Variants in GRM5 observed in about 807,000 individuals in gnomAD.
GRM5 encodes the protein glutamate metabotropic receptor 5.
In GRM5, 19 loss-of-function variants were observed where a neutral mutation model predicts 83.1. The ratio of observed to expected loss-of-function variants is 0.23; its 90% CI spans 0.16 to 0.34. The LOEUF is 0.34. GRM5 is among the 10% of genes least tolerant of loss of function. GRM5 has a pLI of 1.00. For missense variants in GRM5, 1,160 were observed against 1,588.3 expected, an observed-to-expected ratio of 0.73 and a Z score of 4.58; for synonymous variants, 675 against 633.6, an observed-to-expected ratio of 1.07 and a Z score of -0.98.
chr11:88,930,614 G>A (rs1029605327), intron 2 of GRM5, among the ~76,000 whole-genome samples: 2 of 151,314 alleles, frequency 1.3e-5, no homozygotes, highest in African/African-American at 4.9e-5. Context: ...TGCAACCTCT[G>A]GTTGCTCACT....
chr11:88,812,255 A>C (rs895576362), intron 3 of GRM5, among the ~76,000 whole-genome samples: 4 of 151,594 alleles, frequency 2.6e-5, no homozygotes, highest in African/African-American at 9.7e-5. Flanking sequence ...AAGTCATTTT[A>C]GTGATGAGGC....
intron 8 of GRM5, among the ~76,000 whole-genome samples, chr11:88,553,373 A>G (rs1317166937): frequency 6.6e-6 from 1 of 152,094 alleles, no homozygotes; most frequent in Non-Finnish European, 1.5e-5. Flanking sequence ...TTCCTGAGAG[A>G]TGTGTCCACA....
intron 4 of GRM5, among the ~76,000 whole-genome samples, chr11:88,627,715 A>C (rs1363239822): frequency 6.6e-6 from 1 of 152,164 alleles, no homozygotes; most frequent in Non-Finnish European, 1.5e-5. Context: ...TCAGCCCTGC[A>C]GAGGATCACC....
intron 3 of GRM5, 74 bp downstream of exon 3, chr11:88,849,832 A>T: frequency 7.3e-7 from 1 of 1,368,450 alleles, no homozygotes; most frequent in Non-Finnish European, 1.0e-6. Flanking sequence ...TTTTTATCAT[A>T]CACTAAAAGC....
Position 88,978,474 on chromosome 11 carries a change from T to TAAAAAAAAAAAAA in GRM5, c.661+68725_661+68737dup, listed in dbSNP as rs200343438. ...TAACATTAACAACAGCAGATGAGCTTAAAAAAAAAAAAAAAAAAAAAAAAA... is the reference window on the plus strand; with the variant it reads ...TAACATTAACAACAGCAGATGAGCTTAAAAAAAAAAAAAAAAAAAAAAAAAAAAAAAAAAAAAA... On this transcript the variant is annotated intron_variant, in intron 2 of 9. Coordinates refer to ENST00000305447, the MANE Select transcript of GRM5 (RefSeq NM_001143831.3). Among the ~76,000 whole-genome samples the TAAAAAAAAAAAAA allele has an allele frequency of 8.2e-5, 8 of 97,984 alleles. 1 individual carries two copies. The highest frequency in any genetic ancestry group is 1.3e-4 in the Non-Finnish European group (6 of 47,582). 64.3% of individuals were successfully genotyped at this position (97,984 alleles called of 152,430 possible). A position where few individuals can be genotyped will look rare whatever the true frequency, so the allele number is the denominator to read the frequency against.
chr11:88,693,688 T>C (rs1429628788), intron 3 of GRM5, among the ~76,000 whole-genome samples: 1 of 152,112 alleles, frequency 6.6e-6, no homozygotes, highest in Admixed American at 6.6e-5. Flanking sequence ...GCTCTTTCTC[T>C]AAAAGAATTT....
At chr11:89,062,619 C>G (rs1270788047) in intron 1 of GRM5, among the ~76,000 whole-genome samples, 1 of 152,236 alleles carries the variant, frequency 6.6e-6, no homozygotes, top group Non-Finnish European at 1.5e-5. Flanking sequence ...GCTAAGGCAG[C>G]ATCAAGATTG....
intron 2 of GRM5, among the ~76,000 whole-genome samples, chr11:88,977,298 C>T (rs12272757): frequency 0.023 from 3,533 of 152,042 alleles, 140 homozygotes; most frequent in African/African-American, 0.081. Context: ...CTGCAAGCTC[C>T]GATTCCCAAG....
chr11:88,897,612 G>A (rs554858188), intron 2 of GRM5, among the ~76,000 whole-genome samples: 11 of 151,908 alleles, frequency 7.2e-5, no homozygotes, highest in Non-Finnish European at 1.5e-4. Flanking sequence ...TACTGTCTTA[G>A]CTGAAAGAGG....
intron 3 of GRM5, among the ~76,000 whole-genome samples, chr11:88,725,621 C>T (rs1941660380): frequency 1.3e-5 from 2 of 152,144 alleles, no homozygotes; most frequent in Non-Finnish European, 2.9e-5. Context: ...TCGACAGACA[C>T]CTCATACAGG....
intron 3 of GRM5, among the ~76,000 whole-genome samples, chr11:88,845,495 G>T (rs141943364): frequency 2.2e-5 from 3 of 134,362 alleles, no homozygotes; most frequent in Non-Finnish European, 1.5e-5. Flanking sequence ...GGACAGTGGC[G>T]CAATCTGAGT....
At chr11:88,712,373 A>G (rs1293273126) in intron 3 of GRM5, among the ~76,000 whole-genome samples, 2 of 152,022 alleles carry the variant, frequency 1.3e-5, no homozygotes, top group African/African-American at 2.4e-5. Flanking sequence ...CATTCTCTGC[A>G]GTCTAGGGTG....
intron 3 of GRM5, among the ~76,000 whole-genome samples, chr11:88,836,016 T>C (rs1193505031): frequency 6.6e-6 from 1 of 152,018 alleles, no homozygotes; most frequent in Non-Finnish European, 1.5e-5. Context: ...TCATAACCCA[T>C]CAGAAGCCCT....
At chr11:88,559,960 A>C (rs1215869874) in intron 8 of GRM5, among the ~76,000 whole-genome samples, 1 of 152,132 alleles carries the variant, frequency 6.6e-6, no homozygotes, top group East Asian at 1.9e-4. Flanking sequence ...TTCCAGCAGA[A>C]TTGGTATCTA....
chr11:88,653,835 T>C (rs1939698402), intron 3 of GRM5, among the ~76,000 whole-genome samples: 1 of 152,138 alleles, frequency 6.6e-6, no homozygotes, highest in African/African-American at 2.4e-5. Context: ...ATTAAAAATA[T>C]TCTCCAACAT....
chr11:88,580,149 T>G (rs1469818250), intron 7 of GRM5, among the ~76,000 whole-genome samples: 1 of 152,186 alleles, frequency 6.6e-6, no homozygotes, highest in East Asian at 1.9e-4. Flanking sequence ...CCTGGGAGAT[T>G]AAGAAGGTAA....
At position 88,614,243 on chromosome 11, in the gene GRM5, T is replaced by C. The variant is rs76854151; in HGVS notation, c.1148-9279A>G. Among the ~76,000 whole-genome samples, 6 of 152,228 alleles carry C rather than the reference T, an allele frequency of 3.9e-5. No homozygotes were observed. In the South Asian group the frequency reaches 1.2e-3, roughly 32 times the overall value. ...CTGTGGCTTGGACAGGTTACTTCAATTACTTAACATTCAGTTTAATCATCT... is the reference window on the plus strand; with the variant it reads ...CTGTGGCTTGGACAGGTTACTTCAACTACTTAACATTCAGTTTAATCATCT... On this transcript the variant is annotated intron_variant, in intron 4 of 9. Coordinates refer to ENST00000305447, the MANE Select transcript of GRM5 (RefSeq NM_001143831.3).
intron 2 of GRM5, among the ~76,000 whole-genome samples, chr11:88,928,095 C>G (rs1349143681): frequency 6.6e-6 from 1 of 152,032 alleles, no homozygotes; most frequent in South Asian, 2.1e-4. Context: ...GGATTATGTG[C>G]AGCGTTTCAC....
At chr11:89,004,345 A>T (rs547318678) in intron 2 of GRM5, among the ~76,000 whole-genome samples, 2 of 152,342 alleles carry the variant, frequency 1.3e-5, no homozygotes, top group African/African-American at 4.8e-5. Context: ...ATAATATTTT[A>T]AAAGTCTCTA....
Sources: allele counts gnomAD v4.1 joint callset (sites outside exome capture counted in the v4.1 genomes callset), GRCh38; gene constraint gnomAD v4.1.1; transcripts MANE v1.5; gene names NCBI Gene and HGNC (gene_info 2026-07-23, HGNC 2026-07-21).